CPNE4: variants seen among roughly 807,000 people sequenced by gnomAD.
The protein encoded by CPNE4 is copine-4.
In CPNE4, 25 loss-of-function variants were observed where a neutral mutation model predicts 67.9. The observed-to-expected ratio is 0.37, with a 90% CI of 0.27 to 0.51. The LOEUF (loss-of-function observed/expected upper bound fraction) is 0.51, where lower values mean the gene tolerates loss of function less well. Among genes scored for constraint, CPNE4 ranks in the 20% least tolerant of loss-of-function variants. The pLI is 0.93. For synonymous variants in CPNE4, 242 were observed against 244.9 expected, an observed-to-expected ratio of 0.99 and a Z score of 0.11; for missense variants, 464 against 690.8, an observed-to-expected ratio of 0.67 and a Z score of 3.68.
rs559895479 is a variant in CPNE4 at position 131,872,203 on chromosome 3, GAGAGAGAAAC to G, written c.180+33051_180+33060del. Among the ~76,000 whole-genome samples, 176 of 152,170 alleles carry G rather than the reference GAGAGAGAAAC, an allele frequency of 1.2e-3. 1 individual carries two copies. Among genetic ancestry groups the G allele is most frequent in the African/African-American group, 4.1e-3 (171 of 41,520 alleles). On this transcript the variant is annotated intron_variant, in intron 2 of 15. Coordinates refer to ENST00000429747, the MANE Select transcript of CPNE4 (RefSeq NM_130808.3). ...GTGCGTGTGTGTGTGTGTAGAGAGA[GAGAGAGAAAC>G]AGAGAGAAAGAAGGAGAGAGAGAGA...
intron 2 of CPNE4, among the ~76,000 whole-genome samples, chr3:131,802,591 T>C (rs1475726033): frequency 6.6e-6 from 1 of 152,172 alleles, no homozygotes; most frequent in East Asian, 1.9e-4. Context: ...GGACAGACAC[T>C]GTTTAATGGA....
intron 2 of CPNE4, among the ~76,000 whole-genome samples, chr3:131,854,738 A>G (rs1014627866): frequency 2.0e-5 from 3 of 150,976 alleles, no homozygotes; most frequent in Non-Finnish European, 4.4e-5. Context: ...CTCTCCCTCC[A>G]TCTTTATTCT....
chr3:132,018,493 T>G (rs966048376), intron 1 of CPNE4, among the ~76,000 whole-genome samples: 2 of 152,198 alleles, frequency 1.3e-5, no homozygotes, highest in Admixed American at 1.3e-4. Flanking sequence ...TTTCTAGAAT[T>G]AACCTATTTT....
intron 1 of CPNE4, among the ~76,000 whole-genome samples, chr3:131,923,495 A>G (rs1207561103): frequency 6.6e-6 from 1 of 152,006 alleles, no homozygotes; most frequent in African/African-American, 2.4e-5. Flanking sequence ...ACTTGAGGTC[A>G]GGAGTTTGAG....
At chr3:132,004,148 T>A (rs1399643204) in intron 1 of CPNE4, among the ~76,000 whole-genome samples, 3 of 151,910 alleles carry the variant, frequency 2.0e-5, no homozygotes, top group Admixed American at 2.0e-4. Context: ...AAAATGAGCA[T>A]CATTTAATTC....
chr3:131,754,034 C>T (rs994980021), intron 2 of CPNE4, among the ~76,000 whole-genome samples: 2 of 152,022 alleles, frequency 1.3e-5, no homozygotes, highest in African/African-American at 2.4e-5. Context: ...ATGATGAATG[C>T]CCATCAACAA....
At chr3:132,024,468 C>A (rs9847058) in intron 1 of CPNE4, among the ~76,000 whole-genome samples, 12,986 of 148,350 alleles carry the variant, frequency 0.088, 686 homozygotes, top group Non-Finnish European at 0.12. Flanking sequence ...AAGGACTGTA[C>A]ATTTTGGAGC....
chr3:131,698,115 G>C (rs1284479770), intron 4 of CPNE4, among the ~76,000 whole-genome samples: 1 of 151,082 alleles, frequency 6.6e-6, no homozygotes, highest in East Asian at 2.0e-4. Context: ...GGCGCCTGTA[G>C]TCCCAGCTAC....
rs73216440 is a variant in CPNE4 at position 131,654,956 on chromosome 3, A to G, written c.681+14719T>C. The stretch of plus-strand genomic sequence containing the variant: ...TAATTTAAGAAGCAACTATTGAGAG[A>G]TGACTCCAAAGCTTTCTTCTTGCCT... On this transcript the variant is annotated intron_variant, in intron 7 of 15. Transcript: ENST00000429747. Among the ~76,000 whole-genome samples the G allele has an allele frequency of 8.3e-3, 1,269 of 152,350 alleles. 16 individuals are homozygous for G. Among genetic ancestry groups the G allele is most frequent in the Non-Finnish European group, 0.015 (1,022 of 68,034 alleles).
At chr3:131,933,131 A>G (rs1467086681) in intron 1 of CPNE4, among the ~76,000 whole-genome samples, 1 of 152,110 alleles carries the variant, frequency 6.6e-6, no homozygotes, top group Non-Finnish European at 1.5e-5. Flanking sequence ...TATGTTGAAG[A>G]TTCTGGATTT....
At position 131,687,550 on chromosome 3, in the gene CPNE4, C is replaced by T. The variant is rs74676534; in HGVS notation, c.508-1592G>A. 7.6e-3 allele frequency among the ~76,000 whole-genome samples: 1,164 copies of T among 152,244 alleles called. 20 individuals are homozygous for T. Among genetic ancestry groups the T allele is most frequent in the African/African-American group, 0.027 (1,102 of 41,538 alleles). ...CAAAGTAGAATTAAGCCCATATTTG[C>T]CTTAAAAGTCATTTATTATTCCTAA... On this transcript the variant is annotated intron_variant, in intron 5 of 15. Transcript: ENST00000429747.
chr3:131,715,615 T>G (rs1224073116), intron 3 of CPNE4, among the ~76,000 whole-genome samples: 4 of 152,334 alleles, frequency 2.6e-5, no homozygotes, highest in East Asian at 1.9e-4. Flanking sequence ...TTAAATGAAG[T>G]GCAGTATAGC....
intron 2 of CPNE4, among the ~76,000 whole-genome samples, chr3:131,884,703 T>C (rs991829428): frequency 5.9e-5 from 9 of 152,264 alleles, no homozygotes; most frequent in Admixed American, 4.6e-4. Context: ...GGGGGCAGTT[T>C]CCTCCATACT....
chr3:131,649,056 G>A (rs919660406), intron 7 of CPNE4, among the ~76,000 whole-genome samples: 10 of 152,150 alleles, frequency 6.6e-5, no homozygotes, highest in Admixed American at 5.9e-4. Context: ...CCTGAGACCT[G>A]GAAACACATG....
chr3:131,960,168 A>G (rs1311794102), intron 1 of CPNE4, among the ~76,000 whole-genome samples: 1 of 141,648 alleles, frequency 7.1e-6, no homozygotes, highest in Non-Finnish European at 1.6e-5. Context: ...TGACTGGCAT[A>G]AAAGGGATTT....
At chr3:131,728,359 CA>C (rs2107755720) in intron 2 of CPNE4, among the ~76,000 whole-genome samples, 1 of 152,300 alleles carries the variant, frequency 6.6e-6, no homozygotes, top group Non-Finnish European at 1.5e-5. Context: ...TTGTAGGTAG[CA>C]GAGGTGGGAT....
At chr3:131,828,692 A>G (rs551275251) in intron 2 of CPNE4, among the ~76,000 whole-genome samples, 1 of 152,234 alleles carries the variant, frequency 6.6e-6, no homozygotes, top group East Asian at 1.9e-4. Flanking sequence ...TTGAACTCTT[A>G]TTTTGACTTA....
rs1560321994 is a variant in CPNE4, at chr3:131,792,661, G to GTGTGTGTATATA, written c.181-69037_181-69036insTATATACACACA. 7.8e-4 allele frequency among the ~76,000 whole-genome samples: 30 copies of GTGTGTGTATATA among 38,348 alleles called. 1 individual carries two copies. Among genetic ancestry groups the GTGTGTGTATATA allele is most frequent in the Admixed American group, 1.5e-3 (4 of 2,680 alleles). 25.2% of individuals were successfully genotyped at this position (38,348 alleles called of 152,430 possible). A position where few individuals can be genotyped will look rare whatever the true frequency, so the allele number is the denominator to read the frequency against. On this transcript the variant is annotated intron_variant, in intron 2 of 15. Transcript: ENST00000429747. ...CGTGTATATATGTATATATACACAC[G>GTGTGTGTATATA]TGTATATATACATATATACACACGT...
intron 2 of CPNE4, among the ~76,000 whole-genome samples, chr3:131,849,131 C>T (rs1172161865): frequency 6.6e-6 from 1 of 152,006 alleles, no homozygotes; most frequent in Non-Finnish European, 1.5e-5. Context: ...CTGAATTATA[C>T]CCTTTGCTAA....
Sources: allele counts gnomAD v4.1 joint callset (sites outside exome capture counted in the v4.1 genomes callset), GRCh38; gene constraint gnomAD v4.1.1; transcripts MANE v1.5; gene names NCBI Gene and HGNC (gene_info 2026-07-23, HGNC 2026-07-21).